TOP1: variants seen among roughly 807,000 people sequenced by gnomAD.
The protein encoded by TOP1 is DNA topoisomerase 1.
In TOP1, 10 loss-of-function variants were observed where a neutral mutation model predicts 111.1. That is an observed-to-expected ratio of 0.09 (90% CI 0.06 to 0.15). TOP1 has a LOEUF of 0.15. Among genes scored for constraint, TOP1 ranks in the 10% least tolerant of loss-of-function variants. TOP1 has a pLI of 1.00. For missense variants in TOP1, 474 were observed against 926.7 expected, an observed-to-expected ratio of 0.51 and a Z score of 6.34; for synonymous variants, 271 against 302.9, an observed-to-expected ratio of 0.89 and a Z score of 1.10.
Position 41,067,831 on chromosome 20 carries a change from G to T in TOP1, c.155+6341G>T, listed in dbSNP as rs2033625818. On this transcript the variant is annotated intron_variant, in intron 3 of 20. Transcript: ENST00000361337. The surrounding 1 kb of genome is among the most constrained non-coding windows in gnomAD (Gnocchi z 4.0). Reference sequence around the variant, plus strand: ...CCATTATGTGCAGAAACAAAATGGGGCTATGGATCCACATCCCAGAAGATG... The same window carrying T: ...CCATTATGTGCAGAAACAAAATGGGTCTATGGATCCACATCCCAGAAGATG... Among the ~76,000 whole-genome samples the T allele has an allele frequency of 1.3e-5, 2 of 152,328 alleles. No homozygotes were observed. The highest frequency in any genetic ancestry group is 4.1e-4 in the South Asian group (2 of 4,828).
intron 8 of TOP1, among the ~76,000 whole-genome samples, chr20:41,087,172 T>A (rs2033859625): frequency 6.6e-6 from 1 of 152,230 alleles, no homozygotes; most frequent in Non-Finnish European, 1.5e-5. Context: ...TGGTAATTGT[T>A]CAGTTGGAAA....
rs188254494 is a variant in TOP1 at position 41,046,321 on chromosome 20, A to C, written c.59-15073A>C. Among the ~76,000 whole-genome samples the C allele has an allele frequency of 4.3e-4, 66 of 152,336 alleles. No individual in the cohort carries two copies. The highest frequency in any genetic ancestry group is 1.6e-3 in the African/African-American group (65 of 41,570). On this transcript the variant is annotated intron_variant, in intron 2 of 20. Transcript: ENST00000361337. This position sits in a 1 kb window ranked among gnomAD's most constrained non-coding sequence, Gnocchi z 4.3. The stretch of plus-strand genomic sequence containing the variant: ...GTAACTAGCTCAAGGCTATATAGTT[A>C]TAACTAAGCCACAGAGCAGGGAGGC...
At chr20:41,072,877 G>C in intron 3 of TOP1, 1 of 985,404 alleles carries the variant, frequency 1.0e-6, no homozygotes, top group East Asian at 1.1e-4. Context: ...ATGCAAATCT[G>C]CTCTTATGCC....
Position 41,109,481 on chromosome 20 carries a change from A to C in TOP1, c.1309-3301A>C, listed in dbSNP as rs2034200481. Among the ~76,000 whole-genome samples the C allele has an allele frequency of 6.6e-6, 1 of 152,176 alleles. No homozygotes were observed. Among genetic ancestry groups the C allele is most frequent in the Non-Finnish European group, 1.5e-5 (1 of 68,042 alleles). The stretch of plus-strand genomic sequence containing the variant: ...CTAAATGGACTTCATTAAAATTAAA[A>C]ATTTATGTTCAACAAAAGACACTGC... On this transcript the variant is annotated intron_variant, in intron 13 of 20. Transcript: ENST00000361337. This position sits in a 1 kb window ranked among gnomAD's most constrained non-coding sequence, Gnocchi z 4.1.
Position 41,029,591 on chromosome 20 carries a change from G to A in TOP1, c.58+136G>A. On this transcript the variant is annotated intron_variant, in intron 2 of 20. Transcript: ENST00000361337. The surrounding 1 kb of genome is among the most constrained non-coding windows in gnomAD (Gnocchi z 6.1). The stretch of plus-strand genomic sequence containing the variant: ...CGGCTCCTCGCTCACCGGCCCCATT[G>A]TTCCCATCGGGCCGCCTCTTGACCC... 1 of 745,662 alleles carries A rather than the reference G, an allele frequency of 1.3e-6. No individual in the cohort carries two copies. Among genetic ancestry groups the A allele is most frequent in the Non-Finnish European group, 2.3e-6 (1 of 433,048 alleles). The allele number at this position is 745,662 out of a possible 1,614,324, so 46.2% of individuals were successfully genotyped here. A position where few individuals can be genotyped will look rare whatever the true frequency, so the allele number is the denominator to read the frequency against.
chr20:41,031,776 GAT>G, intron 2 of TOP1, among the ~76,000 whole-genome samples: 1 of 151,930 alleles, frequency 6.6e-6, no homozygotes, highest in Non-Finnish European at 1.5e-5. Context: ...ATGCTAGAGT[GAT>G]ACTATATGAT....
intron 2 of TOP1, among the ~76,000 whole-genome samples, chr20:41,038,957 T>G (rs2122592419): frequency 6.6e-6 from 1 of 151,152 alleles, no homozygotes; most frequent in South Asian, 2.1e-4. Context: ...CCACTGTACC[T>G]ACCCCGTTTT....
Position 41,086,241 on chromosome 20 carries a change from C to T in TOP1, c.614+1673C>T, listed in dbSNP as rs545787076. ...TCACGCCACCGCACTCCAGCCTGGG[C>T]GACAGAGCGAGACTCTGTCTCAAAA... On this transcript the variant is annotated intron_variant, in intron 8 of 20. Transcript: ENST00000361337. Among the ~76,000 whole-genome samples, 42 of 148,002 alleles carry T rather than the reference C, an allele frequency of 2.8e-4. 1 individual carries two copies. Among genetic ancestry groups the T allele is most frequent in the Middle Eastern group, 3.5e-3 (1 of 288 alleles).
intron 2 of TOP1, among the ~76,000 whole-genome samples, chr20:41,033,011 G>C (rs1251639238): frequency 6.6e-6 from 1 of 152,090 alleles, no homozygotes; most frequent in East Asian, 1.9e-4. Context: ...TGGACTCCTT[G>C]AGGCACCTTT....
rs904680346 is a variant in TOP1 at position 41,067,277 on chromosome 20, C to T, written c.155+5787C>T. 3.3e-5 allele frequency among the ~76,000 whole-genome samples: 5 copies of T among 151,884 alleles called. No individual in the cohort carries two copies. Among genetic ancestry groups the T allele is most frequent in the African/African-American group, 4.8e-5 (2 of 41,328 alleles). Reference sequence around the variant, plus strand: ...TGGGACTTACAGGCGCCTGCCACCACGCCGAGCTAATTTTTGTATTTTTGG... The same window carrying T: ...TGGGACTTACAGGCGCCTGCCACCATGCCGAGCTAATTTTTGTATTTTTGG... On this transcript the variant is annotated intron_variant, in intron 3 of 20. Transcript: ENST00000361337. This position sits in a 1 kb window ranked among gnomAD's most constrained non-coding sequence, Gnocchi z 4.0.
rs1348156664 is a variant in TOP1, at chr20:41,121,770, G to A, written c.2025G>A (p.Met675Ile). The change falls in exon 19 of 21, where the codon ATG becomes ATA. Residue 675 changes from methionine (M) to isoleucine (I), a missense_variant. This residue lies in a region of TOP1 where 36 missense variants were observed against 42.3 expected (regional missense o/e 0.85). Transcript: ENST00000361337. The surrounding 1 kb of genome is among the most constrained non-coding windows in gnomAD (Gnocchi z 4.2). ...LKSAKADAKVMKDAKTKKVVE... is the reference protein window; with the variant it reads ...LKSAKADAKVIKDAKTKKVVE... ...GTGCTAAGGCTGATGCCAAGGTCAT[G>A]AAGGATGCAAAGACGAAGAAGTATG... 1 of 1,614,190 alleles carries A rather than the reference G, an allele frequency of 6.2e-7. No homozygotes were observed. The highest frequency in any genetic ancestry group is 1.3e-5 in the African/African-American group (1 of 75,064).
intron 3 of TOP1, chr20:41,073,023 A>G (rs2033685043): frequency 1.0e-6 from 1 of 985,266 alleles, no homozygotes; most frequent in African/African-American, 1.7e-5. Flanking sequence ...AATTTCCTAT[A>G]TACATCTCTT....
In TOP1 at chr20:41,039,232, G is replaced by A. The variant is rs528679074; in HGVS notation, c.58+9777G>A. Reference sequence around the variant, plus strand: ...TCAGGATGAACTTTGAAATTAGTACGTTGTAGGTATATACAGTCACTTCCT... The same window carrying A: ...TCAGGATGAACTTTGAAATTAGTACATTGTAGGTATATACAGTCACTTCCT... On this transcript the variant is annotated intron_variant, in intron 2 of 20. Transcript: ENST00000361337. 3.3e-5 allele frequency among the ~76,000 whole-genome samples: 5 copies of A among 152,294 alleles called. No homozygotes were observed. In the South Asian group the frequency reaches 6.2e-4, roughly 19 times the overall value.
Position 41,029,593 on chromosome 20 carries a change from TC to T in TOP1, c.58+141del. Reference sequence around the variant, plus strand: ...GCTCCTCGCTCACCGGCCCCATTGTTCCCATCGGGCCGCCTCTTGACCCCCT... The same window carrying T: ...GCTCCTCGCTCACCGGCCCCATTGTTCCATCGGGCCGCCTCTTGACCCCCT... On this transcript the variant is annotated intron_variant, in intron 2 of 20. Transcript: ENST00000361337. This position sits in a 1 kb window ranked among gnomAD's most constrained non-coding sequence, Gnocchi z 6.1. 1.4e-6 allele frequency: 1 copy of T among 736,590 alleles called. No homozygotes were observed. Among genetic ancestry groups the T allele is most frequent in the Non-Finnish European group, 2.4e-6 (1 of 425,126 alleles). The allele number at this position is 736,590 out of a possible 1,614,324, so 45.6% of individuals were successfully genotyped here.
rs577176377 is a variant in TOP1 at position 41,061,626 on chromosome 20, T to C, written c.155+136T>C. 165 of 742,546 alleles carry C rather than the reference T, an allele frequency of 2.2e-4. No homozygotes were observed. The highest frequency in any genetic ancestry group is 1.9e-3 in the Middle Eastern group (8 of 4,160). 46.0% of individuals were successfully genotyped at this position (742,546 alleles called of 1,614,324 possible). A position where few individuals can be genotyped will look rare whatever the true frequency, so the allele number is the denominator to read the frequency against. On this transcript the variant is annotated intron_variant, in intron 3 of 20. Transcript: ENST00000361337. This position sits in a 1 kb window ranked among gnomAD's most constrained non-coding sequence, Gnocchi z 4.6. Reference sequence around the variant, plus strand: ...TAGAAACTGTATTTGATCCTAGAGTTGCTATGAGGATGGCCATGATTTAGG... The same window carrying C: ...TAGAAACTGTATTTGATCCTAGAGTCGCTATGAGGATGGCCATGATTTAGG...
chr20:41,111,180 G>C (rs2034233646), intron 13 of TOP1, among the ~76,000 whole-genome samples: 1 of 152,162 alleles, frequency 6.6e-6, no homozygotes, highest in African/African-American at 2.4e-5. Context: ...GGCCACTCCA[G>C]AGTTGGGTAC....
intron 2 of TOP1, among the ~76,000 whole-genome samples, chr20:41,057,024 G>A (rs146559687): frequency 1.8e-3 from 272 of 152,224 alleles, no homozygotes; most frequent in African/African-American, 6.2e-3. Context: ...ACCAGACTTT[G>A]GGAGGCTGAG....
At position 41,101,496 on chromosome 20, in the gene TOP1, C is replaced by A; in HGVS notation, c.1308+143C>A. 1 of 886,800 alleles carries A rather than the reference C, an allele frequency of 1.1e-6. No homozygotes were observed. The highest frequency in any genetic ancestry group is 1.7e-6 in the Non-Finnish European group (1 of 599,128). 54.9% of individuals were successfully genotyped at this position (886,800 alleles called of 1,614,324 possible). A position where few individuals can be genotyped will look rare whatever the true frequency, so the allele number is the denominator to read the frequency against. ...AGAAGGCAAGTACTTTCATAGTTAG[C>A]ATTATGGTGATCTTCCTACAGTGCC... On this transcript the variant is annotated intron_variant, in intron 13 of 20. Transcript: ENST00000361337. The surrounding 1 kb of genome is among the most constrained non-coding windows in gnomAD (Gnocchi z 4.1).
chr20:41,028,934 G>A lies in TOP1; in HGVS notation c.-134G>A. On this transcript the variant is annotated 5_prime_UTR_variant, in exon 1 of 21. Transcript: ENST00000361337. ...AGCCTCAGCCGTTTCTGGAGTCTCG[G>A]GCCCACAGTCACCGCCGCTTACCTG... is the stretch of plus-strand genomic sequence containing the variant. 1 of 709,032 alleles carries A rather than the reference G, an allele frequency of 1.4e-6. No homozygotes were observed. Among genetic ancestry groups the A allele is most frequent in the Non-Finnish European group, 2.3e-6 (1 of 425,760 alleles). 43.9% of individuals were successfully genotyped at this position (709,032 alleles called of 1,614,324 possible). A position where few individuals can be genotyped will look rare whatever the true frequency, so the allele number is the denominator to read the frequency against.
Sources: allele counts gnomAD v4.1 joint callset (sites outside exome capture counted in the v4.1 genomes callset), GRCh38; gene constraint gnomAD v4.1.1; regional missense constraint gnomAD v4.1.1; non-coding constraint Gnocchi (gnomAD v3.1); transcripts MANE v1.5; gene names NCBI Gene and HGNC (gene_info 2026-07-23, HGNC 2026-07-21).